ADGRL1: variants seen among roughly 807,000 people sequenced by gnomAD.
ADGRL1 encodes the protein CIRL-1.
Under a neutral mutation model 148.9 loss-of-function variants are expected in ADGRL1, and 31 were observed. That is an observed-to-expected ratio of 0.21 (90% confidence interval 0.16 to 0.28). The LOEUF (loss-of-function observed/expected upper bound fraction) is 0.28. Among genes scored for constraint, ADGRL1 ranks in the 10% least tolerant of loss-of-function variants. The pLI is 1.00. For synonymous variants in ADGRL1, 937 were observed against 900.3 expected (o/e 1.04, Z -0.73); for missense variants, 1,521 against 2,058.8 (o/e 0.74, Z 5.05).
chr19:14,191,331 C>T (rs1971924163), intron 1 of ADGRL1: 2 of 456,592 alleles, frequency 4.4e-6, no homozygotes, highest in African/African-American at 2.0e-5. Flanking sequence ...CCTTGCCATG[C>T]TGTGACCTCT....
In ADGRL1 at chr19:14,160,553, C is replaced by T. The variant is rs375713523; in HGVS notation, c.1614+40G>A. 8.2e-6 allele frequency: 12 copies of T among 1,459,194 alleles called. No homozygotes were observed. The highest frequency in any genetic ancestry group is 2.3e-5 in the East Asian group (1 of 43,610). 90.4% of individuals were successfully genotyped at this position (1,459,194 alleles called of 1,614,324 possible). On this transcript the variant is annotated intron_variant, in intron 7 of 22. Transcript: ENST00000361434. This position sits in a 1 kb window ranked among gnomAD's most constrained non-coding sequence, Gnocchi z 5.9. ...CCCGCTGGGCCCTGGGCCCTGGGCC[C>T]GAGCACATGTGCCTGCCTGCGAGGG...
chr19:14,193,060 A>G (rs10420281), intron 1 of ADGRL1, among the ~76,000 whole-genome samples: 83,976 of 151,748 alleles, frequency 0.55, 23,471 homozygotes, highest in African/African-American at 0.59. Flanking sequence ...TGACCCCCAC[A>G]GGCAGGGTGC....
chr19:14,182,180 G>A (rs1971244307), intron 2 of ADGRL1, among the ~76,000 whole-genome samples: 1 of 152,222 alleles, frequency 6.6e-6, no homozygotes, highest in Non-Finnish European at 1.5e-5. Context: ...TCACAGGACT[G>A]TTGTGATGGC....
intron 3 of ADGRL1, 73 bp downstream of exon 3, chr19:14,177,458 C>G: frequency 7.4e-7 from 1 of 1,352,588 alleles, no homozygotes; most frequent in Non-Finnish European, 1.1e-6. Flanking sequence ...GTAAGGTGAA[C>G]GGGTGTGCTG....
Position 14,151,531 on chromosome 19 carries a change from C to T in ADGRL1, c.3752G>A (p.Ser1251Asn), listed in dbSNP as rs769622521. 15 of 1,611,192 alleles carry T rather than the reference C, an allele frequency of 9.3e-6. No individual in the cohort carries two copies. The highest frequency in any genetic ancestry group is 1.2e-5 in the Non-Finnish European group (14 of 1,178,984). ...CCCATCCCCGGGAGGGAAATCCCCA[C>T]TTCGCAAGGAGTAACTGTTATTGAA... ...GNFNNSYSLR[S>N]GDFPPGDGGP... is the part of the protein sequence containing the mutation. Residue 1251 changes from serine (S) to asparagine (N), a missense_variant, in exon 23 of 23, where the codon AGT becomes AAT. Coordinates refer to ENST00000361434, the MANE Select transcript of ADGRL1 (RefSeq NM_014921.5).
intron 1 of ADGRL1, among the ~76,000 whole-genome samples, chr19:14,200,866 C>G (rs1382987878): frequency 6.6e-6 from 1 of 152,212 alleles, no homozygotes; most frequent in South Asian, 2.1e-4. Context: ...GATCCTCCTG[C>G]CTCAGCCTCC....
At chr19:14,190,640 C>T (rs935130562) in intron 1 of ADGRL1, among the ~76,000 whole-genome samples, 14 of 152,314 alleles carry the variant, frequency 9.2e-5, no homozygotes, top group African/African-American at 3.4e-4. Context: ...GTGCCCTCAC[C>T]ACCATAACCA....
intron 1 of ADGRL1, among the ~76,000 whole-genome samples, chr19:14,202,778 C>G (rs1321536010): frequency 1.3e-5 from 2 of 152,154 alleles, no homozygotes; most frequent in Non-Finnish European, 2.9e-5. Flanking sequence ...TGCACACAGA[C>G]AGCTACTCCT....
At position 14,162,703 on chromosome 19, in the gene ADGRL1, G is replaced by A. The variant is rs267605305; in HGVS notation, c.1098C>T (p.Ser366=). ...GGTTGTCGCGAGGGTTGTAGTCAAC[G>A]GAGGAGATGAACTGGTAGGGGTTGG... ...TFPNPYQFIS[S]VDYNPRDNQL... Residue 366 remains serine (S), a synonymous_variant, in exon 5 of 23, where the codon TCC becomes TCT. Coordinates refer to ENST00000361434, the MANE Select transcript of ADGRL1 (RefSeq NM_014921.5). The surrounding 1 kb of genome is among the most constrained non-coding windows in gnomAD (Gnocchi z 5.4). 30 of 1,614,068 alleles carry A rather than the reference G, an allele frequency of 1.9e-5. No homozygotes were observed. The highest frequency in any genetic ancestry group is 6.7e-5 in the African/African-American group (5 of 74,932).
chr19:14,157,230 T>G lies in ADGRL1; in HGVS notation c.2745+21A>C. On this transcript the variant is annotated intron_variant, in intron 14 of 22. Transcript: ENST00000361434. The surrounding 1 kb of genome is among the most constrained non-coding windows in gnomAD (Gnocchi z 7.5). ...CGGCCCCCAGGCGCTGGCCGTCACC[T>G]GCCCTAGAGTCCCAGCCCACCTCAT... 6.2e-7 allele frequency: 1 copy of G among 1,613,828 alleles called. No individual in the cohort carries two copies. Among genetic ancestry groups the G allele is most frequent in the Non-Finnish European group, 8.5e-7 (1 of 1,179,874 alleles).
In ADGRL1 at chr19:14,155,981, G is replaced by C. The variant is rs1219593772; in HGVS notation, c.3125+129C>G. ...GTGAACACAATAGAACACCCCTGTT[G>C]GTACTTAAAATTGCAATGTGTGTCA... On this transcript the variant is annotated intron_variant, in intron 17 of 22. Coordinates refer to ENST00000361434, the MANE Select transcript of ADGRL1 (RefSeq NM_014921.5). This position sits in a 1 kb window ranked among gnomAD's most constrained non-coding sequence, Gnocchi z 5.0. 10 of 690,936 alleles carry C rather than the reference G, an allele frequency of 1.4e-5. No individual in the cohort carries two copies. Among genetic ancestry groups the C allele is most frequent in the Non-Finnish European group, 1.8e-5 (7 of 386,110 alleles). The allele number at this position is 690,936 out of a possible 1,614,324, so 42.8% of individuals were successfully genotyped here.
chr19:14,195,708 G>GA (rs1972216377), intron 1 of ADGRL1, among the ~76,000 whole-genome samples: 1 of 152,168 alleles, frequency 6.6e-6, no homozygotes, highest in Non-Finnish European at 1.5e-5. Flanking sequence ...GCTGAGAGTT[G>GA]AAGCCCCTGA....
At chr19:14,187,801 T>C (rs114501256) in intron 1 of ADGRL1, among the ~76,000 whole-genome samples, 3,319 of 151,876 alleles carry the variant, frequency 0.022, 113 homozygotes, top group African/African-American at 0.074. Context: ...TCCTCATTTC[T>C]CCCCCAACTG....
Position 14,157,079 on chromosome 19 carries a change from G to A in ADGRL1, c.2812C>T (p.Leu938=), listed in dbSNP as rs771762146. 2.5e-6 allele frequency: 4 copies of A among 1,614,002 alleles called. No individual in the cohort carries two copies. Among genetic ancestry groups the A allele is most frequent in the East Asian group, 4.5e-5 (2 of 44,894 alleles). Residue 938 remains leucine, a synonymous_variant, in exon 15 of 23, where the codon CTG becomes TTG. Transcript: ENST00000361434. The surrounding 1 kb of genome is among the most constrained non-coding windows in gnomAD (Gnocchi z 7.5). ...FFLAAFSWLC[L]EGVHLYLLLV... The stretch of plus-strand genomic sequence containing the variant: ...AGCAGGTAGAGGTGCACGCCCTCCA[G>A]GCACAGCCAGGAGAAGGCAGCCAGG...
intron 12 of ADGRL1, 133 bp from the exon 13 acceptor site, chr19:14,158,185 A>T: frequency 2.4e-6 from 3 of 1,229,482 alleles, no homozygotes; most frequent in Non-Finnish European, 3.5e-6. Context: ...TCCAGTTGAC[A>T]TTCTGAGAGC....
chr19:14,192,498 C>T (rs148671145), intron 1 of ADGRL1, among the ~76,000 whole-genome samples: 2,670 of 151,592 alleles, frequency 0.018, 70 homozygotes, highest in African/African-American at 0.06. Context: ...GCCTTGGTCT[C>T]CCAAAGTGTT....
intron 2 of ADGRL1, 63 bp from the exon 3 acceptor site, chr19:14,177,807 C>T: frequency 6.8e-7 from 1 of 1,462,114 alleles, no homozygotes; most frequent in East Asian, 2.3e-5. Flanking sequence ...AGACCCTACC[C>T]ACTGCCAAGA....
chr19:14,193,388 A>G (rs1972070864), intron 1 of ADGRL1, among the ~76,000 whole-genome samples: 1 of 151,384 alleles, frequency 6.6e-6, no homozygotes, highest in South Asian at 2.1e-4. Context: ...GGAGTTTGAG[A>G]CCAGCCTGAG....
chr19:14,151,165 G>T lies in ADGRL1; in HGVS notation c.4118C>A (p.Pro1373His). The T allele has an allele frequency of 1.2e-6, 2 of 1,608,590 alleles. No homozygotes were observed. The highest frequency in any genetic ancestry group is 1.7e-6 in the Non-Finnish European group (2 of 1,178,480). Residue 1373 changes from proline to histidine, a missense_variant, in exon 23 of 23, where the codon CCT (proline) becomes CAT (histidine). Transcript: ENST00000361434. The part of the protein sequence containing the change: ...DGATSRPLSS[P>H]PGRDSLYASG... ...GGCATAGAGGGAGTCCCGGCCAGGA[G>T]GGGAGGAGAGGGGCCGGCTGGTGGC...
Sources: allele counts gnomAD v4.1 joint callset (sites outside exome capture counted in the v4.1 genomes callset), GRCh38; gene constraint gnomAD v4.1.1; non-coding constraint Gnocchi (gnomAD v3.1); transcripts MANE v1.5; gene names NCBI Gene and HGNC (gene_info 2026-07-23, HGNC 2026-07-21).